Variants in CCSER1 observed in about 807,000 individuals in gnomAD.
The protein encoded by CCSER1 is coiled-coil serine rich protein 1, also known as serine-rich coiled-coil domain-containing protein 1.
In CCSER1, 41 loss-of-function variants were observed where a neutral mutation model predicts 82.0. The ratio of observed to expected loss-of-function variants is 0.50; its 90% CI spans 0.39 to 0.65. The LOEUF is 0.65. Among genes scored for constraint, CCSER1 ranks in the 30% least tolerant of loss-of-function variants. The pLI, the probability that CCSER1 is intolerant of heterozygous loss-of-function variation, is 0.00. For synonymous variants in CCSER1, 414 were observed against 383.9 expected, an observed-to-expected ratio of 1.08 and a Z score of -0.92; for missense variants, 1,119 against 1,064.2, an observed-to-expected ratio of 1.05 and a Z score of -0.72.
At chr4:91,236,964 G>A (rs1441480861) in intron 10 of CCSER1, among the ~76,000 whole-genome samples, 1 of 152,100 alleles carries the variant, frequency 6.6e-6, no homozygotes, top group Non-Finnish European at 1.5e-5. Flanking sequence ...CAATTTTGTA[G>A]GATATTGAAT....
At chr4:91,027,571 T>C (rs1561483109) in intron 9 of CCSER1, among the ~76,000 whole-genome samples, 1 of 152,106 alleles carries the variant, frequency 6.6e-6, no homozygotes, top group East Asian at 1.9e-4. Flanking sequence ...TAAATATAAT[T>C]TGGGCTACCT....
chr4:90,370,768 T>A (rs1003541851), intron 3 of CCSER1, among the ~76,000 whole-genome samples: 1 of 152,080 alleles, frequency 6.6e-6, no homozygotes, highest in African/African-American at 2.4e-5. Context: ...CCTAGCATTT[T>A]AAACCATGGT....
At chr4:90,146,845 G>A (rs1280051304) in intron 1 of CCSER1, among the ~76,000 whole-genome samples, 1 of 152,010 alleles carries the variant, frequency 6.6e-6, no homozygotes, top group Non-Finnish European at 1.5e-5. Flanking sequence ...CAGTATCAAT[G>A]CTGCTAATAG....
intron 8 of CCSER1, among the ~76,000 whole-genome samples, chr4:90,922,431 C>A (rs1728519413): frequency 6.6e-6 from 1 of 152,016 alleles, no homozygotes; most frequent in Admixed American, 6.6e-5. Context: ...AATTAAATCA[C>A]AGTCCTTTAT....
chr4:91,290,837 A>G (rs571763501), intron 10 of CCSER1, among the ~76,000 whole-genome samples: 25 of 152,150 alleles, frequency 1.6e-4, no homozygotes, highest in Admixed American at 3.9e-4. Context: ...AATAACATTT[A>G]AAGATTGAAA....
chr4:90,997,372 G>A (rs61377714), intron 9 of CCSER1, among the ~76,000 whole-genome samples: 1,559 of 152,072 alleles, frequency 0.01, 31 homozygotes, highest in African/African-American at 0.036. Flanking sequence ...CTGCCTCCCC[G>A]TTCTGTTATA....
rs72875107 is a variant in CCSER1 at position 91,215,764 on chromosome 4, T to A, written c.2217+129770T>A. 2.4e-3 allele frequency among the ~76,000 whole-genome samples: 369 copies of A among 152,220 alleles called. 2 individuals are homozygous for A. Among genetic ancestry groups the A allele is most frequent in the African/African-American group, 8.6e-3 (359 of 41,524 alleles). The stretch of plus-strand genomic sequence containing the variant: ...CAATACTTTGCATCCTTCAATCCAA[T>A]CAAATTGACACTCAATATCAACCAT... On this transcript the variant is annotated intron_variant, in intron 10 of 10. Coordinates refer to ENST00000509176, the MANE Select transcript of CCSER1 (RefSeq NM_001145065.2).
chr4:91,546,664 T>C (rs1761907259), intron 10 of CCSER1, among the ~76,000 whole-genome samples: 1 of 152,080 alleles, frequency 6.6e-6, no homozygotes, highest in Non-Finnish European at 1.5e-5. Flanking sequence ...ATTAATTTTA[T>C]TGATTTTACA....
chr4:90,990,323 C>G (rs764527159), intron 9 of CCSER1, among the ~76,000 whole-genome samples: 2 of 151,804 alleles, frequency 1.3e-5, no homozygotes, highest in Non-Finnish European at 2.9e-5. Flanking sequence ...GCAAAATGTA[C>G]CATATAGTAA....
intron 7 of CCSER1, among the ~76,000 whole-genome samples, chr4:90,730,329 T>G (rs1744468615): frequency 6.6e-6 from 1 of 152,174 alleles, no homozygotes; most frequent in Non-Finnish European, 1.5e-5. Context: ...TCTCTTAGTA[T>G]TAGAAATCGC....
intron 6 of CCSER1, among the ~76,000 whole-genome samples, chr4:90,667,835 T>C (rs1034931976): frequency 8.5e-5 from 13 of 152,140 alleles, no homozygotes; most frequent in African/African-American, 2.9e-4. Context: ...TTGCTATGAT[T>C]TTTTACCTAC....
chr4:91,287,188 C>CA (rs1178924219), intron 10 of CCSER1, among the ~76,000 whole-genome samples: 4 of 151,664 alleles, frequency 2.6e-5, no homozygotes, highest in Middle Eastern at 3.4e-3. Context: ...TTCATGAACA[C>CA]AAAAAATTCA....
intron 10 of CCSER1, among the ~76,000 whole-genome samples, chr4:91,244,923 T>A (rs1400065570): frequency 6.6e-6 from 1 of 152,064 alleles, no homozygotes; most frequent in Non-Finnish European, 1.5e-5. Context: ...ATCAGATAAA[T>A]TTAACAAGGA....
chr4:90,723,841 T>A (rs1245288200), intron 6 of CCSER1, 73 bp from the exon 7 acceptor site: 5 of 624,844 alleles, frequency 8.0e-6, no homozygotes, highest in Non-Finnish European at 1.0e-5. Context: ...GATTTATTTA[T>A]TTTTCTAAAT....
At chr4:90,983,554 T>C (rs919582790) in intron 9 of CCSER1, among the ~76,000 whole-genome samples, 5 of 151,712 alleles carry the variant, frequency 3.3e-5, no homozygotes, top group Non-Finnish European at 4.4e-5. Flanking sequence ...TAACAGTGTT[T>C]ATTAATAATA....
intron 10 of CCSER1, among the ~76,000 whole-genome samples, chr4:91,209,865 A>G (rs1736666249): frequency 6.6e-6 from 1 of 151,768 alleles, no homozygotes; most frequent in African/African-American, 2.4e-5. Context: ...GTACAAATAC[A>G]CATACCTACA....
intron 10 of CCSER1, among the ~76,000 whole-genome samples, chr4:91,258,155 C>T (rs1404692083): frequency 6.6e-6 from 1 of 152,064 alleles, no homozygotes; most frequent in African/African-American, 2.4e-5. Context: ...ATTTAGATTT[C>T]ACTAATTCAG....
In CCSER1 at chr4:91,602,655, T is replaced by C. The variant is rs1379848761; in HGVS notation, c.*3598T>C. Among the ~76,000 whole-genome samples, 1 of 152,010 alleles carries C rather than the reference T, an allele frequency of 6.6e-6. No homozygotes were observed. The highest frequency in any genetic ancestry group is 1.5e-5 in the Non-Finnish European group (1 of 67,914). On this transcript the variant is annotated 3_prime_UTR_variant, in exon 11 of 11. Transcript: ENST00000509176. Reference sequence around the variant, plus strand: ...ACTTTTTCACTTTCAGAACTTAACATTCTAAACAGCTATAGAAGGAAGTGG... The same window carrying C: ...ACTTTTTCACTTTCAGAACTTAACACTCTAAACAGCTATAGAAGGAAGTGG...
intron 5 of CCSER1, among the ~76,000 whole-genome samples, chr4:90,473,177 A>G (rs1469372820): frequency 6.6e-6 from 1 of 152,196 alleles, no homozygotes; most frequent in Non-Finnish European, 1.5e-5. Context: ...GAATGAAAGA[A>G]TAACCATGAT....
Sources: allele counts gnomAD v4.1 joint callset (sites outside exome capture counted in the v4.1 genomes callset), GRCh38; gene constraint gnomAD v4.1.1; transcripts MANE v1.5; gene names NCBI Gene and HGNC (gene_info 2026-07-23, HGNC 2026-07-21).